PHF21A: variants seen among roughly 807,000 people sequenced by gnomAD.
PHF21A encodes BHC80a.
Under a neutral mutation model 82.5 loss-of-function variants are expected in PHF21A, and 11 were observed. The observed-to-expected ratio is 0.13, with a 90% CI of 0.08 to 0.22. The LOEUF (loss-of-function observed/expected upper bound fraction) is 0.22. Ranked by LOEUF, PHF21A falls within the 10% of genes least tolerant of loss-of-function variation. The pLI is 1.00. For missense variants in PHF21A, 579 were observed against 837.8 expected (o/e 0.69, Z 3.81); for synonymous variants, 297 against 302.8 (o/e 0.98, Z 0.20).
chr11:46,110,167 G>T (rs2097196005), intron 1 of PHF21A, among the ~76,000 whole-genome samples: 1 of 151,962 alleles, frequency 6.6e-6, no homozygotes, highest in South Asian at 2.1e-4. Context: ...GTAATATAAA[G>T]TACATTCATG....
At chr11:45,958,453 C>T (rs1213015989) in intron 10 of PHF21A, among the ~76,000 whole-genome samples, 1 of 75,126 alleles carries the variant, frequency 1.3e-5, no homozygotes, top group South Asian at 5.2e-4. Flanking sequence ...TATATATACA[C>T]ACACACACAC....
At chr11:45,955,875 C>G (rs2092599465) in intron 10 of PHF21A, among the ~76,000 whole-genome samples, 2 of 152,274 alleles carry the variant, frequency 1.3e-5, no homozygotes, top group East Asian at 1.9e-4. Context: ...TGCCAACAAC[C>G]ATGTGATGAG....
intron 1 of PHF21A, among the ~76,000 whole-genome samples, chr11:46,094,864 C>T (rs958298241): frequency 2.2e-4 from 34 of 152,290 alleles, no homozygotes; most frequent in African/African-American, 7.5e-4. Flanking sequence ...CGCGCCACTA[C>T]ACTCCAGCCT....
At chr11:46,010,825 GA>G (rs940431844) in intron 6 of PHF21A, among the ~76,000 whole-genome samples, 2 of 152,120 alleles carry the variant, frequency 1.3e-5, no homozygotes, top group African/African-American at 4.8e-5. Context: ...GTGGACTGAG[GA>G]TAATAATGAT....
intron 10 of PHF21A, among the ~76,000 whole-genome samples, chr11:45,957,167 T>C (rs776108597): frequency 5.3e-5 from 8 of 152,172 alleles, no homozygotes; most frequent in Non-Finnish European, 7.4e-5. Context: ...AGGACAGAAA[T>C]AAACAGTTCT....
intron 3 of PHF21A, 99 bp from the exon 4 acceptor site, chr11:46,084,401 A>C: frequency 2.2e-6 from 1 of 458,036 alleles, no homozygotes; most frequent in East Asian, 4.0e-5. Flanking sequence ...TGATTCTCTA[A>C]CGCAGGGCAA....
At chr11:45,952,272 AGCTC>A (rs1234678476) in intron 11 of PHF21A, among the ~76,000 whole-genome samples, 1 of 152,130 alleles carries the variant, frequency 6.6e-6, no homozygotes, top group Non-Finnish European at 1.5e-5. Flanking sequence ...CACTGGGTCT[AGCTC>A]CATCACCTAG....
At chr11:46,022,678 T>G (rs1423432177) in intron 6 of PHF21A, among the ~76,000 whole-genome samples, 2 of 152,100 alleles carry the variant, frequency 1.3e-5, no homozygotes, top group African/African-American at 4.8e-5. Context: ...CCCAGGCTGG[T>G]CTCTAACCCC....
Position 46,079,178 on chromosome 11 carries a change from G to T in PHF21A, c.55-12C>A. The T allele has an allele frequency of 6.3e-7, 1 of 1,592,236 alleles. No homozygotes were observed. Among genetic ancestry groups the T allele is most frequent in the Non-Finnish European group, 8.6e-7 (1 of 1,164,984 alleles). On this transcript the variant is annotated splice_polypyrimidine_tract_variant and intron_variant, in intron 4 of 18. Coordinates refer to ENST00000676320, the MANE Select transcript of PHF21A (RefSeq NM_001352027.3). ...TGAGCAACCAGTTTCTGGTAATAAA[G>T]AGAGAAAAAGAGCCATCAGTCTTAC...
chr11:45,989,663 T>G (rs914973384), intron 6 of PHF21A, among the ~76,000 whole-genome samples: 2 of 147,134 alleles, frequency 1.4e-5, no homozygotes, highest in African/African-American at 5.0e-5. Context: ...AGTGAAACTG[T>G]CTCAAAATAA....
intron 8 of PHF21A, 32 bp downstream of exon 8, chr11:45,971,084 T>G (rs911394686): frequency 1.2e-6 from 2 of 1,611,676 alleles, no homozygotes; most frequent in South Asian, 1.1e-5. Context: ...CCTTCTCATG[T>G]GATCACACAT....
At chr11:45,969,076 A>G (rs1591397798) in intron 9 of PHF21A, among the ~76,000 whole-genome samples, 1 of 152,246 alleles carries the variant, frequency 6.6e-6, no homozygotes, top group East Asian at 1.9e-4. Context: ...CCTTCTCCCC[A>G]GAGGCTATTT....
intron 6 of PHF21A, among the ~76,000 whole-genome samples, chr11:46,015,936 A>ATCTATCTG (rs1249528763): frequency 6.6e-6 from 1 of 151,036 alleles, no homozygotes; most frequent in Non-Finnish European, 1.5e-5. Flanking sequence ...CTATCTATCT[A>ATCTATCTG]TGCAGAAGGA....
chr11:45,992,391 T>A (rs1311948953), intron 6 of PHF21A, among the ~76,000 whole-genome samples: 2 of 139,948 alleles, frequency 1.4e-5, no homozygotes, highest in Non-Finnish European at 3.1e-5. Flanking sequence ...AAAAAAAAAA[T>A]TAGCCAGGCA....
chr11:46,117,242 C>G (rs1851596762), intron 1 of PHF21A: 1 of 152,192 alleles, frequency 6.6e-6, no homozygotes, highest in Non-Finnish European at 1.5e-5. Context: ...CTAGCATCCC[C>G]AAATTTTTAA....
intron 10 of PHF21A, among the ~76,000 whole-genome samples, chr11:45,954,470 A>G (rs144681640): frequency 6.6e-6 from 1 of 152,262 alleles, no homozygotes; most frequent in East Asian, 1.9e-4. Flanking sequence ...TATATAATCC[A>G]TCAGAGGAGA....
intron 6 of PHF21A, among the ~76,000 whole-genome samples, chr11:46,045,187 C>T (rs910861405): frequency 1.3e-5 from 2 of 152,196 alleles, no homozygotes; most frequent in African/African-American, 4.8e-5. Context: ...GGTTCCCAAG[C>T]TGTTCTTGCT....
intron 6 of PHF21A, among the ~76,000 whole-genome samples, chr11:46,046,350 A>T (rs1338741357): frequency 6.6e-6 from 1 of 152,188 alleles, no homozygotes; most frequent in East Asian, 1.9e-4. Flanking sequence ...CTGGAGGCAA[A>T]AAAAGTATTT....
chr11:46,093,330 G>A (rs902620040), intron 1 of PHF21A, among the ~76,000 whole-genome samples: 2 of 152,086 alleles, frequency 1.3e-5, no homozygotes, highest in African/African-American at 4.8e-5. Context: ...TTGCCTCAGG[G>A]AATATTTCAA....
Sources: allele counts gnomAD v4.1 joint callset (sites outside exome capture counted in the v4.1 genomes callset), GRCh38; gene constraint gnomAD v4.1.1; transcripts MANE v1.5; gene names NCBI Gene and HGNC (gene_info 2026-07-23, HGNC 2026-07-21).